The following DKK3 variants were observed in gnomAD, a reference collection of about 807,000 sequenced individuals.
DKK3 encodes dickkopf Wnt signaling pathway inhibitor 3, also known as dickkopf-related protein 3.
A neutral mutation model predicts 33.2 loss-of-function variants in DKK3; 22 were observed. The ratio of observed to expected loss-of-function variants is 0.66; its 90% CI spans 0.47 to 0.95. The LOEUF is 0.95. DKK3 is among the 40% of genes least tolerant of loss of function. DKK3 has a pLI of 0.00. For synonymous variants in DKK3, 194 were observed against 188.8 expected, an observed-to-expected ratio of 1.03 and a Z score of -0.23; for missense variants, 398 against 458.4, an observed-to-expected ratio of 0.87 and a Z score of 1.20.
At chr11:11,969,997 C>T (rs1994843) in intron 3 of DKK3, among the ~76,000 whole-genome samples, 3,006 of 152,300 alleles carry the variant, frequency 0.02, 56 homozygotes, top group East Asian at 0.081. Flanking sequence ...CCAGAGAAGT[C>T]CCAACAGGGC....
Position 12,008,251 on chromosome 11 carries a change from C to T in DKK3, c.213+119G>A. On this transcript the variant is annotated intron_variant, in intron 1 of 6. Transcript: ENST00000683431. This position sits in a 1 kb window ranked among gnomAD's most constrained non-coding sequence, Gnocchi z 4.6. ...AGGTCACTCCGCATCTGCTGTCGGC[C>T]CTTCCCAGGCCCTGCGCGGGACCCG... The T allele has an allele frequency of 2.3e-6, 3 of 1,324,436 alleles. No individual in the cohort carries two copies. The highest frequency in any genetic ancestry group is 3.0e-6 in the Non-Finnish European group (3 of 991,858). The allele number at this position is 1,324,436 out of a possible 1,614,324, so 82.0% of individuals were successfully genotyped here.
At chr11:11,998,879 C>A (rs539039785) in intron 2 of DKK3, 100 bp from the exon 3 acceptor site, 2 of 1,155,020 alleles carry the variant, frequency 1.7e-6, no homozygotes, top group African/African-American at 1.5e-5. Context: ...GAAGCAGGAG[C>A]ATCCAGTATA....
At chr11:11,994,208 T>C (rs1848245032) in intron 3 of DKK3, among the ~76,000 whole-genome samples, 1 of 152,094 alleles carries the variant, frequency 6.6e-6, no homozygotes, top group African/African-American at 2.4e-5. Context: ...AACCAGCAAA[T>C]TAGAACCCAG....
intron 2 of DKK3, chr11:12,001,805 A>G (rs183760221): frequency 6.6e-6 from 1 of 152,474 alleles, no homozygotes; most frequent in Admixed American, 6.5e-5. Flanking sequence ...CAACCAGCAA[A>G]TGAATGTTTA....
chr11:11,992,091 GAATT>G (rs1477785601), intron 3 of DKK3, among the ~76,000 whole-genome samples: 8 of 152,250 alleles, frequency 5.3e-5, no homozygotes, highest in African/African-American at 1.4e-4. Flanking sequence ...ATAAATGAAT[GAATT>G]AATACTGATA....
chr11:12,003,612 T>A (rs1362421205), intron 1 of DKK3, among the ~76,000 whole-genome samples: 1 of 152,138 alleles, frequency 6.6e-6, no homozygotes, highest in Admixed American at 6.5e-5. Context: ...GGAGGCCACA[T>A]CATAGACTAA....
intron 6 of DKK3, 104 bp from the exon 7 acceptor site, chr11:11,964,790 C>T (rs1847546871): frequency 6.6e-7 from 1 of 1,522,898 alleles, no homozygotes; most frequent in African/African-American, 1.4e-5. Context: ...ACCTTCATGC[C>T]CCCTCCTCTC....
At chr11:12,004,507 G>A (rs1314492389) in intron 1 of DKK3, among the ~76,000 whole-genome samples, 2 of 152,214 alleles carry the variant, frequency 1.3e-5, no homozygotes, top group Non-Finnish European at 2.9e-5. Context: ...CACTGGATGA[G>A]TCAAGTCATT....
upstream of DKK3, chr11:12,009,291 C>A: frequency 1.0e-6 from 1 of 983,718 alleles, no homozygotes; most frequent in Non-Finnish European, 1.2e-6. Flanking sequence ...GGTGCGGGAG[C>A]GCGGCGGGGT....
chr11:11,986,327 C>T (rs1848070558), intron 3 of DKK3, among the ~76,000 whole-genome samples: 1 of 152,108 alleles, frequency 6.6e-6, no homozygotes, highest in Admixed American at 6.5e-5. Context: ...GGGAGCATGC[C>T]ACCCACTTAA....
chr11:11,997,996 C>T (rs529845760), intron 3 of DKK3, among the ~76,000 whole-genome samples: 5 of 152,266 alleles, frequency 3.3e-5, no homozygotes, highest in East Asian at 1.9e-4. Context: ...CCTCAGCAGG[C>T]GTGTGCATCC....
chr11:11,978,489 T>A lies in DKK3; in HGVS notation c.436-10002A>T, dbSNP rs1590516441. On this transcript the variant is annotated intron_variant, in intron 3 of 6. Transcript: ENST00000683431. ...CCTCCACTTCTTCTTTTTCTTCCTC[T>A]TCTTCTTCTTCTTTCTTCTTTCTTC... Among the ~76,000 whole-genome samples the A allele has an allele frequency of 1.1e-4, 5 of 44,724 alleles. No homozygotes were observed. The Admixed American group carries it at 3.0e-3, about 27-fold the overall frequency. 29.3% of individuals were successfully genotyped at this position (44,724 alleles called of 152,430 possible).
chr11:12,006,412 C>T (rs1215780914), intron 1 of DKK3, among the ~76,000 whole-genome samples: 3 of 152,242 alleles, frequency 2.0e-5, no homozygotes, highest in Admixed American at 6.5e-5. Context: ...AGACTCGGAA[C>T]GCCACTGCCA....
At chr11:11,973,219 G>C (rs910496743) in intron 3 of DKK3, among the ~76,000 whole-genome samples, 1 of 152,226 alleles carries the variant, frequency 6.6e-6, no homozygotes, top group Non-Finnish European at 1.5e-5. Flanking sequence ...CTACTTCACA[G>C]ATGTGGAAAC....
In DKK3 at chr11:12,002,327, G is replaced by A; in HGVS notation, c.324C>T (p.Thr108=). The A allele has an allele frequency of 6.2e-7, 1 of 1,613,624 alleles. No individual in the cohort carries two copies. The highest frequency in any genetic ancestry group is 8.5e-7 in the Non-Finnish European group (1 of 1,179,786). Residue 108 remains threonine, a synonymous_variant, in exon 2 of 7, where the codon ACC becomes ACT. Transcript: ENST00000683431. ...TNTDTKVGNN[T]IHVHREIHKI... is the part of the protein sequence containing the mutation. ...TGTGAATTTCTCGGTGCACATGGAT[G>A]GTATTATTTCCAACCTTCGTGTCTG...
chr11:11,976,098 G>A (rs1847827389), intron 3 of DKK3, among the ~76,000 whole-genome samples: 1 of 152,194 alleles, frequency 6.6e-6, no homozygotes, highest in Admixed American at 6.5e-5. Flanking sequence ...TCAAAGGATG[G>A]CCTCTCCTGA....
chr11:11,977,014 G>A (rs2135023365), intron 3 of DKK3, among the ~76,000 whole-genome samples: 1 of 152,244 alleles, frequency 6.6e-6, no homozygotes, highest in East Asian at 1.9e-4. Flanking sequence ...AGACTGCCCT[G>A]TGGAAAAACC....
chr11:12,003,188 C>T (rs774180637), intron 1 of DKK3, among the ~76,000 whole-genome samples: 5 of 152,182 alleles, frequency 3.3e-5, no homozygotes, highest in Non-Finnish European at 5.9e-5. Context: ...ACTATTTGCT[C>T]TTAAGTCCTT....
At chr11:11,984,677 A>G (rs1848028521) in intron 3 of DKK3, among the ~76,000 whole-genome samples, 1 of 151,532 alleles carries the variant, frequency 6.6e-6, no homozygotes, top group Non-Finnish European at 1.5e-5. Flanking sequence ...AAAAAAGAAA[A>G]AGTGAAGAAA....
Sources: allele counts gnomAD v4.1 joint callset (sites outside exome capture counted in the v4.1 genomes callset), GRCh38; gene constraint gnomAD v4.1.1; non-coding constraint Gnocchi (gnomAD v3.1); transcripts MANE v1.5; gene names NCBI Gene and HGNC (gene_info 2026-07-23, HGNC 2026-07-21).